Variants in DIP2B observed in about 807,000 individuals in gnomAD.
DIP2B encodes the protein disco-interacting protein 2 homolog B.
In DIP2B, 76 loss-of-function variants were observed where a neutral mutation model predicts 198.0. That is an observed-to-expected ratio of 0.38 (90% CI 0.32 to 0.46). DIP2B has a LOEUF of 0.46. Among genes scored for constraint, DIP2B ranks in the 20% least tolerant of loss-of-function variants. The pLI, the probability that DIP2B is intolerant of heterozygous loss-of-function variation, is 0.99. For synonymous variants in DIP2B, 701 were observed against 739.1 expected, an observed-to-expected ratio of 0.95 and a Z score of 0.84; for missense variants, 1,559 against 1,978.4, an observed-to-expected ratio of 0.79 and a Z score of 4.02.
At chr12:50,617,691 T>G (rs1937725595) in intron 1 of DIP2B, among the ~76,000 whole-genome samples, 1 of 151,968 alleles carries the variant, frequency 6.6e-6, no homozygotes, top group Admixed American at 6.6e-5. Context: ...TGCCCATAGT[T>G]CCAGCTACTT....
At chr12:50,613,864 C>T (rs1937648975) in intron 1 of DIP2B, among the ~76,000 whole-genome samples, 1 of 152,186 alleles carries the variant, frequency 6.6e-6, no homozygotes, top group Non-Finnish European at 1.5e-5. Context: ...CATCACTATG[C>T]CTATAAATGT....
At chr12:50,625,457 G>A (rs373370052) in intron 1 of DIP2B, among the ~76,000 whole-genome samples, 1 of 152,328 alleles carries the variant, frequency 6.6e-6, no homozygotes. Context: ...AAGGGGAGGG[G>A]ATGTGGGAAT....
Position 50,734,191 on chromosome 12 carries a change from T to C in DIP2B, c.4038T>C (p.His1346=), listed in dbSNP as rs1565886042. The change falls in exon 33 of 38, where the codon CAT becomes CAC. Residue 1346 remains histidine, a synonymous_variant. Coordinates refer to ENST00000301180, the MANE Select transcript of DIP2B (RefSeq NM_173602.3). Reference sequence around the variant, plus strand: ...ATGTGGATCTGAAATCACTAAGACATGACAGGTACAACAGATTTATTAATG... The same window carrying C: ...ATGTGGATCTGAAATCACTAAGACACGACAGGTACAACAGATTTATTAATG... ...TVYVDLKSLR[H]DRVRLVERGA... 1 of 1,614,142 alleles carries C rather than the reference T, an allele frequency of 6.2e-7. No homozygotes were observed. Among genetic ancestry groups the C allele is most frequent in the East Asian group, 2.2e-5 (1 of 44,880 alleles).
intron 12 of DIP2B, among the ~76,000 whole-genome samples, chr12:50,690,608 A>G (rs1939207764): frequency 6.6e-6 from 1 of 152,198 alleles, no homozygotes; most frequent in Non-Finnish European, 1.5e-5. Context: ...TTATAGTTGA[A>G]TGATTTGGAG....
At chr12:50,526,591 A>T (rs1388243661) in intron 1 of DIP2B, among the ~76,000 whole-genome samples, 3 of 121,794 alleles carry the variant, frequency 2.5e-5, no homozygotes, top group Non-Finnish European at 5.2e-5. Flanking sequence ...TTTTTTGTGT[A>T]CTTTGCACAT....
In DIP2B at chr12:50,514,141, C is replaced by T. The variant is rs146677947; in HGVS notation, c.100+8901C>T. 7.0e-3 allele frequency among the ~76,000 whole-genome samples: 1,043 copies of T among 149,764 alleles called. 16 individuals are homozygous for T. Among genetic ancestry groups the T allele is most frequent in the African/African-American group, 0.025 (1,003 of 40,726 alleles). On this transcript the variant is annotated intron_variant, in intron 1 of 37. Coordinates refer to ENST00000301180, the MANE Select transcript of DIP2B (RefSeq NM_173602.3). ...AGTGCAATGGCATGATCTCAGCTCA[C>T]CATAACCTCCGCCTCCCGGGTTCAA...
At chr12:50,726,603 G>A (rs1222387099) in intron 28 of DIP2B, among the ~76,000 whole-genome samples, 3 of 151,962 alleles carry the variant, frequency 2.0e-5, no homozygotes, top group South Asian at 2.1e-4. Context: ...TACCTGCCTC[G>A]GCCTTCCAGA....
chr12:50,601,647 A>G (rs906313024), intron 1 of DIP2B, among the ~76,000 whole-genome samples: 1 of 151,478 alleles, frequency 6.6e-6, no homozygotes, highest in African/African-American at 2.4e-5. Flanking sequence ...AGCTTTTTAT[A>G]TTTTATGTAA....
chr12:50,649,470 T>C (rs1016969014), intron 3 of DIP2B, among the ~76,000 whole-genome samples: 2 of 152,166 alleles, frequency 1.3e-5, no homozygotes, highest in African/African-American at 4.8e-5. Flanking sequence ...AAAGATTACA[T>C]TACTAATCAC....
At chr12:50,621,360 A>G (rs1937808023) in intron 1 of DIP2B, among the ~76,000 whole-genome samples, 1 of 152,202 alleles carries the variant, frequency 6.6e-6, no homozygotes, top group Non-Finnish European at 1.5e-5. Context: ...TCTAGCTGTC[A>G]AGTTTCGGTA....
At chr12:50,728,978 C>T (rs771969000) in intron 30 of DIP2B, among the ~76,000 whole-genome samples, 14 of 152,182 alleles carry the variant, frequency 9.2e-5, no homozygotes, top group African/African-American at 1.4e-4. Flanking sequence ...GGATGATTCT[C>T]GGATGAAATA....
At chr12:50,654,199 G>C (rs1436611912) in intron 3 of DIP2B, among the ~76,000 whole-genome samples, 1 of 151,752 alleles carries the variant, frequency 6.6e-6, no homozygotes, top group African/African-American at 2.4e-5. Flanking sequence ...GGATTCGTTT[G>C]TTCTTTTTTT....
chr12:50,536,940 T>G (rs1958273293), intron 1 of DIP2B, among the ~76,000 whole-genome samples: 1 of 151,628 alleles, frequency 6.6e-6, no homozygotes, highest in South Asian at 2.1e-4. Context: ...TGCTGTTGTT[T>G]TGGCCTAGTG....
chr12:50,565,517 C>T (rs1958556361), intron 1 of DIP2B, among the ~76,000 whole-genome samples: 1 of 152,096 alleles, frequency 6.6e-6, no homozygotes, highest in Non-Finnish European at 1.5e-5. Flanking sequence ...AGGATGGTCT[C>T]GATCTCTTGA....
intron 34 of DIP2B, 115 bp from the exon 35 acceptor site, chr12:50,736,920 AG>A: frequency 1.1e-6 from 1 of 920,228 alleles, no homozygotes; most frequent in Non-Finnish European, 1.7e-6. Context: ...ATGCCGCTAC[AG>A]CTGGCTCGCC....
chr12:50,556,968 C>G (rs1958477261), intron 1 of DIP2B, among the ~76,000 whole-genome samples: 1 of 152,174 alleles, frequency 6.6e-6, no homozygotes, highest in African/African-American at 2.4e-5. Context: ...CATCGGCCTC[C>G]CATAGTGCTG....
At position 50,555,260 on chromosome 12, in the gene DIP2B, C is replaced by G. The variant is rs183060384; in HGVS notation, c.100+50020C>G. ...AGAGGATCTAGGAGTCTTTTCTTAT[C>G]TTCCTGTTTATAACGTTTTGCCACC... On this transcript the variant is annotated intron_variant, in intron 1 of 37. Coordinates refer to ENST00000301180, the MANE Select transcript of DIP2B (RefSeq NM_173602.3). Among the ~76,000 whole-genome samples, 7 of 152,180 alleles carry G rather than the reference C, an allele frequency of 4.6e-5. No homozygotes were observed. In the East Asian group the frequency reaches 1.4e-3, roughly 29 times the overall value.
chr12:50,640,885 C>A, intron 3 of DIP2B, 33 bp downstream of exon 3: 2 of 1,602,020 alleles, frequency 1.2e-6, no homozygotes, highest in South Asian at 2.2e-5. Context: ...CCAGCTGAAT[C>A]GTTTTCCTAA....
intron 1 of DIP2B, among the ~76,000 whole-genome samples, chr12:50,531,026 T>C (rs967036239): frequency 6.6e-6 from 1 of 152,192 alleles, no homozygotes; most frequent in Non-Finnish European, 1.5e-5. Flanking sequence ...GCAGTGGGCA[T>C]GATTGAGATT....
Sources: gnomAD v4.1 joint callset for allele counts (sites outside exome capture counted in the v4.1 genomes callset) on GRCh38, gnomAD v4.1.1 for gene constraint, MANE v1.5 for transcripts, NCBI Gene and HGNC (gene_info 2026-07-23, HGNC 2026-07-21) for gene names.